The following POLD2 variants were observed in gnomAD, a reference collection of about 807,000 sequenced individuals.
The protein encoded by POLD2 is DNA polymerase delta 2, accessory subunit.
Under a neutral mutation model 48.8 loss-of-function variants are expected in POLD2, and 31 were observed. The observed-to-expected ratio is 0.64, with a 90% CI of 0.48 to 0.86. The LOEUF (loss-of-function observed/expected upper bound fraction) is 0.86. Ranked by LOEUF, POLD2 falls within the 40% of genes least tolerant of loss-of-function variation. The pLI, the probability that POLD2 is intolerant of heterozygous loss-of-function variation, is 0.00. For missense variants in POLD2, 455 were observed against 610.1 expected, an observed-to-expected ratio of 0.75 and a Z score of 2.68; for synonymous variants, 233 against 256.3, an observed-to-expected ratio of 0.91 and a Z score of 0.87.
intron 3 of POLD2, 44 bp from the exon 4 acceptor site, chr7:44,117,786 A>C (rs1223816192): frequency 1.9e-6 from 3 of 1,612,472 alleles, no homozygotes; most frequent in Non-Finnish European, 2.5e-6. Flanking sequence ...GCCAGAGCCC[A>C]CCAAAGCTCT....
intron 2 of POLD2, 149 bp from the exon 3 acceptor site, chr7:44,118,213 T>C: frequency 1.1e-6 from 1 of 888,934 alleles, no homozygotes; most frequent in Admixed American, 3.0e-5. Flanking sequence ...CCCCCTGGAC[T>C]TCACGGTGAC....
intron 2 of POLD2, chr7:44,118,353 A>T: frequency 3.5e-6 from 1 of 281,720 alleles, no homozygotes; most frequent in Non-Finnish European, 6.7e-6. Flanking sequence ...GGCAGAGCGG[A>T]GTGATGCGGC....
intron 2 of POLD2, 82 bp from the exon 3 acceptor site, chr7:44,118,146 A>G (rs1018784208): frequency 6.6e-7 from 1 of 1,507,408 alleles, no homozygotes; most frequent in Non-Finnish European, 8.9e-7. Flanking sequence ...CCAGCACTCC[A>G]TGAGAGGCCA....
rs1209665380 is a variant in POLD2 at position 44,121,323 on chromosome 7, G to A, written c.220+511C>T. Among the ~76,000 whole-genome samples, 2 of 152,084 alleles carry A rather than the reference G, an allele frequency of 1.3e-5. No individual in the cohort carries two copies. Among genetic ancestry groups the A allele is most frequent in the African/African-American group, 4.8e-5 (2 of 41,382 alleles). The stretch of plus-strand genomic sequence containing the variant: ...AAAGAACAAGGGTTGTGTTGGGCAG[G>A]CCACTTTATTAGGAAAGACAGAGGG... On this transcript the variant is annotated intron_variant, in intron 2 of 10. Coordinates refer to ENST00000610533, the MANE Select transcript of POLD2 (RefSeq NM_006230.4). This position sits in a 1 kb window ranked among gnomAD's most constrained non-coding sequence, Gnocchi z 4.5.
At position 44,116,633 on chromosome 7, in the gene POLD2, C is replaced by A; in HGVS notation, c.781-123G>T. On this transcript the variant is annotated intron_variant, in intron 6 of 10. Transcript: ENST00000610533. This position sits in a 1 kb window ranked among gnomAD's most constrained non-coding sequence, Gnocchi z 6.1. ...AGACCCTCACTCCCTTCAAGCCTCC[C>A]ACCATCCTCAGCGAGGGCCTGGGCA... 9.9e-7 allele frequency: 1 copy of A among 1,009,492 alleles called. No homozygotes were observed. Among genetic ancestry groups the A allele is most frequent in the Non-Finnish European group, 1.5e-6 (1 of 672,040 alleles). The allele number at this position is 1,009,492 out of a possible 1,614,324, so 62.5% of individuals were successfully genotyped here. A position where few individuals can be genotyped will look rare whatever the true frequency, so the allele number is the denominator to read the frequency against.
In POLD2 at chr7:44,116,610, A is replaced by C. The variant is rs1401279436; in HGVS notation, c.781-100T>G. ...GGAAGATGCAGTTGTTGTCCCATAG[A>C]CCCTCACTCCCTTCAAGCCTCCCAC... On this transcript the variant is annotated intron_variant, in intron 6 of 10. Coordinates refer to ENST00000610533, the MANE Select transcript of POLD2 (RefSeq NM_006230.4). The surrounding 1 kb of genome is among the most constrained non-coding windows in gnomAD (Gnocchi z 6.1). 1.5e-5 allele frequency: 16 copies of C among 1,079,384 alleles called. No individual in the cohort carries two copies. The highest frequency in any genetic ancestry group is 5.5e-5 in the South Asian group (4 of 72,788). The allele number at this position is 1,079,384 out of a possible 1,614,324, so 66.9% of individuals were successfully genotyped here.
intron 9 of POLD2, 158 bp downstream of exon 9, chr7:44,115,608 G>C (rs1583560503): frequency 1.2e-6 from 1 of 862,972 alleles, no homozygotes; most frequent in South Asian, 1.8e-5. Context: ...TAAGATTCCA[G>C]AGTAGCTTCC....
intron 2 of POLD2, among the ~76,000 whole-genome samples, chr7:44,118,509 T>C (rs1474358282): frequency 3.9e-5 from 6 of 152,130 alleles, no homozygotes; most frequent in African/African-American, 7.2e-5. Context: ...CTGTTATTGT[T>C]GTTTCTGTTT....
chr7:44,118,523 T>C (rs2096243854), intron 2 of POLD2, among the ~76,000 whole-genome samples: 1 of 152,168 alleles, frequency 6.6e-6, no homozygotes, highest in African/African-American at 2.4e-5. Context: ...TCTGTTTTTG[T>C]TTTTGTTTTG....
At position 44,116,742 on chromosome 7, in the gene POLD2, G is replaced by A. The variant is rs1032711205; in HGVS notation, c.780+75C>T. 2.5e-5 allele frequency: 38 copies of A among 1,507,026 alleles called. No individual in the cohort carries two copies. Among genetic ancestry groups the A allele is most frequent in the Non-Finnish European group, 3.1e-5 (34 of 1,090,436 alleles). The allele number at this position is 1,507,026 out of a possible 1,614,324, so 93.4% of individuals were successfully genotyped here. A position where few individuals can be genotyped will look rare whatever the true frequency, so the allele number is the denominator to read the frequency against. The stretch of plus-strand genomic sequence containing the variant: ...CGAGACCTCACAGGGTACCCTACTC[G>A]CCCTGGGGAAGGAGGGTCTTACAGG... On this transcript the variant is annotated intron_variant, in intron 6 of 10. Coordinates refer to ENST00000610533, the MANE Select transcript of POLD2 (RefSeq NM_006230.4). The surrounding 1 kb of genome is among the most constrained non-coding windows in gnomAD (Gnocchi z 6.1).
At chr7:44,123,411 G>A (rs2096251000) in intron 1 of POLD2, 100 bp downstream of exon 1, 1 of 1,453,282 alleles carries the variant, frequency 6.9e-7, no homozygotes, top group East Asian at 3.0e-5. Flanking sequence ...CGGCAGCTGC[G>A]GGACGTCCGC....
In POLD2 at chr7:44,121,774, C is replaced by T. The variant is rs962246993; in HGVS notation, c.220+60G>A. On this transcript the variant is annotated intron_variant, in intron 2 of 10. Transcript: ENST00000610533. This position sits in a 1 kb window ranked among gnomAD's most constrained non-coding sequence, Gnocchi z 4.5. Reference sequence around the variant, plus strand: ...TAGATAAACTGTTCCCATTCTCTTGCAGAACACTTCTAAGTTCAGGGATGC... The same window carrying T: ...TAGATAAACTGTTCCCATTCTCTTGTAGAACACTTCTAAGTTCAGGGATGC... 21 of 1,511,178 alleles carry T rather than the reference C, an allele frequency of 1.4e-5. No homozygotes were observed. The highest frequency in any genetic ancestry group is 6.9e-5 in the African/African-American group (5 of 72,386). 93.6% of individuals were successfully genotyped at this position (1,511,178 alleles called of 1,614,324 possible).
At chr7:44,122,303 GAGAAA>G in intron 1 of POLD2, 194 bp from the exon 2 acceptor site, 2 of 1,389,362 alleles carry the variant, frequency 1.4e-6, no homozygotes, top group Non-Finnish European at 1.9e-6. Context: ...CATCCAAAAA[GAGAAA>G]AGGAAAGCTA....
chr7:44,117,977 A>G lies in POLD2; in HGVS notation c.308T>C (p.Leu103Pro), dbSNP rs764799107. ...GACCTCCCGCAGGATGGAGGGCTGC[A>G]GCGGCATGGCCTTGAACAGAGTGCC... ...VVGTLFKAMP[L>P]QPSILREVSE... Residue 103 changes from leucine to proline, a missense_variant, in exon 3 of 11, where the codon CTG becomes CCG. Around this residue, in one of 3 missense-constraint regions of POLD2, gnomAD observed 349 missense variants for 437.4 expected, o/e 0.80. Transcript: ENST00000610533. 5 of 1,614,226 alleles carry G rather than the reference A, an allele frequency of 3.1e-6. No homozygotes were observed. Among genetic ancestry groups the G allele is most frequent in the Non-Finnish European group, 4.2e-6 (5 of 1,180,028 alleles).
Position 44,122,083 on chromosome 7 carries a change from C to G in POLD2, c.-30G>C. 1 of 1,607,286 alleles carries G rather than the reference C, an allele frequency of 6.2e-7. No individual in the cohort carries two copies. Among genetic ancestry groups the G allele is most frequent in the Non-Finnish European group, 8.5e-7 (1 of 1,176,084 alleles). On this transcript the variant is annotated 5_prime_UTR_variant, in exon 2 of 11. Coordinates refer to ENST00000610533, the MANE Select transcript of POLD2 (RefSeq NM_006230.4). ...ACACTCCTGACTTGCTTGGTCCACA[C>G]AGCTTCGCCCAGGCCAAGGAGGTTC...
In POLD2 at chr7:44,117,623, A is replaced by C. The variant is rs2096242247; in HGVS notation, c.462T>G (p.Val154=). ...LKGTIDVSKL[V]TGTVLAVFGS... is the part of the protein sequence containing the mutation. ...TCCTCTCATTGGGCTCCCTACCCGT[A>C]ACCAGCTTTGACACGTCAATGGTGC... Residue 154 remains valine, a synonymous_variant, in exon 4 of 11, where the codon GTT becomes GTG. Transcript: ENST00000610533. The C allele has an allele frequency of 2.5e-5, 40 of 1,604,022 alleles. No individual in the cohort carries two copies. Among genetic ancestry groups the C allele is most frequent in the Non-Finnish European group, 3.4e-5 (40 of 1,175,076 alleles).
chr7:44,123,802 C>G, upstream of POLD2: 1 of 991,974 alleles, frequency 1.0e-6, no homozygotes, highest in Non-Finnish European at 1.4e-6. Flanking sequence ...GTTGGGCTGA[C>G]GGGGGGTGTC....
rs776831529 is a variant in POLD2, at chr7:44,117,740, G to A, written c.345C>T (p.His115=). The A allele has an allele frequency of 7.4e-6, 12 of 1,613,766 alleles. No homozygotes were observed. Among genetic ancestry groups the A allele is most frequent in the Admixed American group, 1.7e-5 (1 of 59,946 alleles). The part of the protein sequence containing the change: ...PSILREVSEE[H]NLLPQPPRSK... ...TCCGAGGAGGCTGGGGGAGCAGGTT[G>A]TGCTGGAATGCAGAGACAGGAGGTA... The change falls in exon 4 of 11, where the codon CAC becomes CAT. Residue 115 remains histidine (H), a splice_region_variant and synonymous_variant. Transcript: ENST00000610533.
At chr7:44,120,195 C>T (rs550257693) in intron 2 of POLD2, among the ~76,000 whole-genome samples, 21 of 152,242 alleles carry the variant, frequency 1.4e-4, no homozygotes, top group Non-Finnish European at 2.2e-4. Flanking sequence ...GCTATCAACA[C>T]ATTCACTGTG....
Sources: allele counts gnomAD v4.1 joint callset (sites outside exome capture counted in the v4.1 genomes callset), GRCh38; gene constraint gnomAD v4.1.1; regional missense constraint gnomAD v4.1.1; non-coding constraint Gnocchi (gnomAD v3.1); transcripts MANE v1.5; gene names NCBI Gene and HGNC (gene_info 2026-07-23, HGNC 2026-07-21).